The following TMEM11 variants were observed in gnomAD, a reference collection of about 807,000 sequenced individuals.
TMEM11 encodes transmembrane protein 11, mitochondrial.
TMEM11 carries 1 observed loss-of-function variant against 17.0 expected under a neutral mutation model. The observed-to-expected ratio is 0.06, with a 90% CI of 0.02 to 0.28. TMEM11 has a LOEUF of 0.28. TMEM11 is among the 10% of genes least tolerant of loss of function. The pLI, the probability that TMEM11 is intolerant of heterozygous loss-of-function variation, is 1.00. For synonymous variants in TMEM11, 122 were observed against 118.1 expected (o/e 1.03, Z -0.21); for missense variants, 172 against 252.9 (o/e 0.68, Z 2.17).
chr17:21,207,956 T>C (rs1974960702), intron 1 of TMEM11, among the ~76,000 whole-genome samples: 1 of 151,552 alleles, frequency 6.6e-6, no homozygotes, highest in Non-Finnish European at 1.5e-5. Flanking sequence ...GACTTGTCAA[T>C]TTCTTCATGC....
intron 1 of TMEM11, among the ~76,000 whole-genome samples, chr17:21,201,530 A>G (rs1974883526): frequency 1.3e-5 from 2 of 151,886 alleles, no homozygotes; most frequent in South Asian, 4.2e-4. Context: ...TGGGGAAAGG[A>G]GGGTTTTCCT....
chr17:21,201,057 C>G (rs1461463490), intron 1 of TMEM11, among the ~76,000 whole-genome samples: 1 of 152,218 alleles, frequency 6.6e-6, no homozygotes, highest in East Asian at 1.9e-4. Flanking sequence ...ACTACTGAGA[C>G]TCCTCCCAGC....
Position 21,206,423 on chromosome 17 carries a change from A to G in TMEM11, c.63-7583T>C, listed in dbSNP as rs1323956823. 3.9e-5 allele frequency among the ~76,000 whole-genome samples: 6 copies of G among 152,148 alleles called. 1 individual carries two copies. The Middle Eastern group carries it at 0.01, about 261-fold the overall frequency. ...TTTTAGTAGAGACAGGGTTTTCACC[A>G]TGGTGGCCAGGCTGGTCTCGAACTC... On this transcript the variant is annotated intron_variant, in intron 1 of 1. Transcript: ENST00000317635.
chr17:21,207,170 G>A (rs1167842810), intron 1 of TMEM11, among the ~76,000 whole-genome samples: 1 of 152,164 alleles, frequency 6.6e-6, no homozygotes, highest in Non-Finnish European at 1.5e-5. Context: ...TCATGCTGTG[G>A]CATGTTTATT....
At position 21,210,505 on chromosome 17, in the gene TMEM11, C is replaced by T. The variant is rs144848038; in HGVS notation, c.62+3586G>A. ...TCTTTCAAGAGAGATTAAATACTCC[C>T]AAAGCCTGAGAGTCTAAAAGGGAAG... is the stretch of plus-strand genomic sequence containing the variant. On this transcript the variant is annotated intron_variant, in intron 1 of 1. Transcript: ENST00000317635. 1.8e-3 allele frequency among the ~76,000 whole-genome samples: 277 copies of T among 152,260 alleles called. 1 individual carries two copies. The highest frequency in any genetic ancestry group is 6.3e-3 in the African/African-American group (262 of 41,552).
intron 1 of TMEM11, among the ~76,000 whole-genome samples, chr17:21,204,502 A>T (rs1974921920): frequency 6.6e-6 from 1 of 151,990 alleles, no homozygotes; most frequent in Non-Finnish European, 1.5e-5. Context: ...TCCAACTGAA[A>T]GCAAGTTCAG....
chr17:21,213,829 C>G, intron 1 of TMEM11: 4 of 420,652 alleles, frequency 9.5e-6, no homozygotes, highest in African/African-American at 2.2e-5. Flanking sequence ...CACGGCCCGG[C>G]CTCGGGCCCC....
intron 1 of TMEM11, among the ~76,000 whole-genome samples, chr17:21,203,926 T>G (rs988981732): frequency 2.7e-5 from 4 of 148,014 alleles, no homozygotes; most frequent in East Asian, 3.9e-4. Flanking sequence ...AACTGGGTGA[T>G]CTGAACCCTG....
intron 1 of TMEM11, among the ~76,000 whole-genome samples, chr17:21,209,247 G>A (rs1000588714): frequency 2.6e-5 from 4 of 152,190 alleles, no homozygotes; most frequent in South Asian, 2.1e-4. Flanking sequence ...TGTGGGAGTC[G>A]AGAGGGTGGA....
At chr17:21,199,474 C>G (rs567737505) in intron 1 of TMEM11, among the ~76,000 whole-genome samples, 1 of 152,086 alleles carries the variant, frequency 6.6e-6, no homozygotes, top group South Asian at 2.1e-4. Flanking sequence ...AAGAACGATT[C>G]GGCACAGAAT....
intron 1 of TMEM11, among the ~76,000 whole-genome samples, chr17:21,204,293 G>A (rs1974917808): frequency 1.3e-5 from 2 of 151,728 alleles, no homozygotes; most frequent in Admixed American, 1.3e-4. Flanking sequence ...AATTAGCTGG[G>A]TTTGGTGGCA....
intron 1 of TMEM11, among the ~76,000 whole-genome samples, chr17:21,204,122 TAAA>T (rs61174663): frequency 1.6e-4 from 22 of 138,188 alleles, no homozygotes; most frequent in Non-Finnish European, 2.0e-4. Flanking sequence ...AGTCTATGTT[TAAA>T]AAAAAAAAAA....
chr17:21,198,828 C>G lies in TMEM11; in HGVS notation c.75G>C (p.Ser25=), dbSNP rs138610126. 9 of 1,608,348 alleles carry G rather than the reference C, an allele frequency of 5.6e-6. No individual in the cohort carries two copies. The highest frequency in any genetic ancestry group is 2.2e-5 in the South Asian group (2 of 90,720). ...GGSARERVSL[S]ATDCYIVHEI... ...CATGCACAATGTAGCAGTCTGTGGC[C>G]GACAAGCTCACCCTTTTGATGGAGG... is the stretch of plus-strand genomic sequence containing the variant. The change falls in exon 2 of 2, where the codon TCG becomes TCC. Residue 25 remains serine (S), a synonymous_variant. Transcript: ENST00000317635. This position sits in a 1 kb window ranked among gnomAD's most constrained non-coding sequence, Gnocchi z 6.5.
At chr17:21,203,459 G>A (rs1193206197) in intron 1 of TMEM11, among the ~76,000 whole-genome samples, 3 of 151,946 alleles carry the variant, frequency 2.0e-5, no homozygotes, top group Non-Finnish European at 4.4e-5. Context: ...GCTCACGCCT[G>A]TAATCCCAGC....
At position 21,198,399 on chromosome 17, in the gene TMEM11, C is replaced by T. The variant is rs1284373714; in HGVS notation, c.504G>A (p.Lys168=). 9.3e-6 allele frequency: 15 copies of T among 1,614,142 alleles called. No individual in the cohort carries two copies. The highest frequency in any genetic ancestry group is 1.2e-5 in the Non-Finnish European group (14 of 1,180,064). The change falls in exon 2 of 2, where the codon AAG becomes AAA. Residue 168 remains lysine (K), a synonymous_variant. Coordinates refer to ENST00000317635, the MANE Select transcript of TMEM11 (RefSeq NM_003876.3). This position sits in a 1 kb window ranked among gnomAD's most constrained non-coding sequence, Gnocchi z 6.5. ...CCAGTGCTATCGTGTTGTGCAGTCT[C>T]TTTCTGTGCAGGTCGTCCTTCCGGA... is the stretch of plus-strand genomic sequence containing the variant. ...VLVRKDDLHR[K]RLHNTIALAA...
chr17:21,199,351 T>G (rs2364094), intron 1 of TMEM11, among the ~76,000 whole-genome samples: 25 of 79,800 alleles, frequency 3.1e-4, no homozygotes, highest in South Asian at 2.1e-3. Flanking sequence ...AAAAAAGATA[T>G]AAAAAGGCAG....
At chr17:21,199,197 C>G (rs887898863) in intron 1 of TMEM11, among the ~76,000 whole-genome samples, 4 of 151,696 alleles carry the variant, frequency 2.6e-5, no homozygotes, top group Admixed American at 1.3e-4. Flanking sequence ...GTGGCGCATG[C>G]CTATAATCCC....
intron 1 of TMEM11, among the ~76,000 whole-genome samples, chr17:21,200,884 G>A (rs1003591125): frequency 3.3e-5 from 5 of 152,220 alleles, no homozygotes; most frequent in Admixed American, 6.5e-5. Flanking sequence ...TGGGAGTGAC[G>A]AGTGAAGACA....
chr17:21,211,433 G>A (rs1975002205), intron 1 of TMEM11, among the ~76,000 whole-genome samples: 1 of 152,212 alleles, frequency 6.6e-6, no homozygotes, highest in Non-Finnish European at 1.5e-5. Flanking sequence ...GTGAGACTGA[G>A]GAGCTGAATT....
Sources: gnomAD v4.1 joint callset for allele counts (sites outside exome capture counted in the v4.1 genomes callset) on GRCh38, gnomAD v4.1.1 for gene constraint, Gnocchi (gnomAD v3.1) non-coding constraint, MANE v1.5 for transcripts, NCBI Gene and HGNC (gene_info 2026-07-23, HGNC 2026-07-21) for gene names.